Variants in KLRG1 observed in about 807,000 individuals in gnomAD.
The protein encoded by KLRG1 is killer cell lectin-like receptor subfamily G member 1.
KLRG1 carries 16 observed loss-of-function variants against 21.8 expected under a neutral mutation model. The observed-to-expected ratio is 0.73, with a 90% CI of 0.50 to 1.11. KLRG1 has a LOEUF of 1.11. Ranked by LOEUF, KLRG1 falls within the 50% of genes most tolerant of loss-of-function variation. The pLI is 0.00. For synonymous variants in KLRG1, 69 were observed against 75.9 expected (o/e 0.91, Z 0.47); for missense variants, 173 against 218.3 (o/e 0.79, Z 1.31).
upstream of KLRG1, among the ~76,000 whole-genome samples, chr12:8,988,734 C>A (rs924637632): frequency 5.3e-5 from 8 of 152,128 alleles, no homozygotes; most frequent in African/African-American, 1.9e-4. Context: ...CCCCCACCAC[C>A]ACACCCAGCT....
At chr12:9,096,772 T>G in the KLRG1 span, among the ~76,000 whole-genome samples, 1 of 152,330 alleles carries the variant, frequency 6.6e-6, no homozygotes, top group South Asian at 2.1e-4. Flanking sequence ...TCTCCCTGCT[T>G]TTATTGTGGC....
At chr12:8,961,091 G>A in intron 1 of KLRG1, among the ~76,000 whole-genome samples, 1 of 152,190 alleles carries the variant, frequency 6.6e-6, no homozygotes, top group Non-Finnish European at 1.5e-5. Context: ...TGCTCAAGCT[G>A]TGATGTAGAC....
intron 2 of KLRG1, among the ~76,000 whole-genome samples, chr12:8,993,357 C>T (rs1947033656): frequency 6.6e-6 from 1 of 152,028 alleles, no homozygotes; most frequent in Non-Finnish European, 1.5e-5. Context: ...GGCGTGATCT[C>T]GGCTCACTGC....
At chr12:8,966,220 A>G (rs918357922) in intron 1 of KLRG1, among the ~76,000 whole-genome samples, 1 of 152,230 alleles carries the variant, frequency 6.6e-6, no homozygotes, top group Admixed American at 6.5e-5. Flanking sequence ...TGTTAGACCT[A>G]AAACCATAAA....
the KLRG1 span, among the ~76,000 whole-genome samples, chr12:9,016,453 C>T: frequency 3.7e-4 from 57 of 152,090 alleles, no homozygotes; most frequent in African/African-American, 9.9e-4. Context: ...AAGATTGAAC[C>T]GTGAAGAAAT....
chr12:8,963,970 T>C (rs371609920), intron 1 of KLRG1, among the ~76,000 whole-genome samples: 4 of 152,206 alleles, frequency 2.6e-5, no homozygotes, highest in African/African-American at 9.6e-5. Context: ...ATTTTGTTTA[T>C]CTCTTCAAAA....
the KLRG1 span, among the ~76,000 whole-genome samples, chr12:9,046,001 G>C: frequency 2.0e-5 from 3 of 152,150 alleles, no homozygotes; most frequent in Non-Finnish European, 4.4e-5. Context: ...ACGTGGACAC[G>C]GAGGGGAACG....
chr12:9,113,635 C>T, the KLRG1 span: 1 of 1,233,332 alleles, frequency 8.1e-7, no homozygotes, highest in Non-Finnish European at 1.2e-6. Flanking sequence ...TTATCATCAT[C>T]AGTTCTACAC....
At chr12:9,150,788 C>T in the KLRG1 span, 4 of 1,244,184 alleles carry the variant, frequency 3.2e-6, no homozygotes, top group Admixed American at 1.8e-5. Context: ...TAGAAAACCT[C>T]CTTCTTTCTC....
chr12:9,070,590 G>A, the KLRG1 span: 1 of 1,593,718 alleles, frequency 6.3e-7, no homozygotes, highest in African/African-American at 1.3e-5. Context: ...TGAGGATCCA[G>A]GGGAGGAAAG....
chr12:9,112,474 G>T, the KLRG1 span: 1 of 1,613,756 alleles, frequency 6.2e-7, no homozygotes, highest in Non-Finnish European at 8.5e-7. Context: ...TAAATTCTTG[G>T]GTTGGTCCTT....
chr12:9,187,177 G>T, the KLRG1 span, among the ~76,000 whole-genome samples: 2 of 151,500 alleles, frequency 1.3e-5, no homozygotes, highest in Non-Finnish European at 2.9e-5. Flanking sequence ...CAACACAGGA[G>T]CACCCAGATT....
chr12:9,177,424 C>T, the KLRG1 span, among the ~76,000 whole-genome samples: 16 of 152,282 alleles, frequency 1.1e-4, no homozygotes, highest in South Asian at 1.2e-3. Context: ...CCATGTTAAT[C>T]GCAACCAGGG....
the KLRG1 span, chr12:9,079,150 C>T: frequency 1.1e-6 from 1 of 950,802 alleles, no homozygotes; most frequent in South Asian, 1.6e-5. Flanking sequence ...TCTGATAATA[C>T]ATATCTGATA....
chr12:8,959,703 AT>A (rs1456008073), intron 1 of KLRG1, among the ~76,000 whole-genome samples: 4 of 151,938 alleles, frequency 2.6e-5, no homozygotes, highest in African/African-American at 9.7e-5. Context: ...GTAGGCCTTA[AT>A]TTTTTTCAGC....
At chr12:8,976,663 G>A (rs2137272485) in intron 1 of KLRG1, among the ~76,000 whole-genome samples, 1 of 152,076 alleles carries the variant, frequency 6.6e-6, no homozygotes, top group East Asian at 1.9e-4. Context: ...ATATGTATTT[G>A]TAATTGTTAT....
the KLRG1 span, among the ~76,000 whole-genome samples, chr12:9,185,805 T>TTTTCTTTTCTTTTCTTTTCTTTTC: frequency 6.7e-6 from 1 of 149,030 alleles, no homozygotes; most frequent in East Asian, 1.9e-4. Context: ...TTTTCTTTTC[T>TTTTCTTTTCTTTTCTTTTCTTTTC]TTTCTTTTCT....
the KLRG1 span, among the ~76,000 whole-genome samples, chr12:9,178,820 A>AG: frequency 6.6e-6 from 1 of 152,192 alleles, no homozygotes; most frequent in Non-Finnish European, 1.5e-5. Context: ...CCTGCAGATC[A>AG]GGGGGCACTA....
At chr12:9,068,316 T>C in the KLRG1 span, 11 of 1,266,230 alleles carry the variant, frequency 8.7e-6, no homozygotes, top group East Asian at 2.4e-5. Flanking sequence ...AAGGAAGGAG[T>C]TTGTTGTGGG....
Sources: gnomAD v4.1 joint callset for allele counts (sites outside exome capture counted in the v4.1 genomes callset) on GRCh38, gnomAD v4.1.1 for gene constraint, MANE v1.5 for transcripts, NCBI Gene and HGNC (gene_info 2026-07-23, HGNC 2026-07-21) for gene names.